The following CARF variants were observed in gnomAD, a reference collection of about 807,000 sequenced individuals.
CARF encodes calcium-responsive transcription factor.
In CARF, 57 loss-of-function variants were observed where a neutral mutation model predicts 82.0. The ratio of observed to expected loss-of-function variants is 0.70; its 90% CI spans 0.56 to 0.87. The LOEUF (loss-of-function observed/expected upper bound fraction) is 0.87, where lower values mean the gene tolerates loss of function less well. CARF is among the 40% of genes least tolerant of loss of function. The probability of loss-of-function intolerance (pLI) is 0.00; values close to 1 mark genes in which losing one functional copy is unlikely to be tolerated. For missense variants in CARF, 771 were observed against 855.8 expected (o/e 0.90, Z 1.24); for synonymous variants, 268 against 290.1 (o/e 0.92, Z 0.77).
At chr2:202,937,781 C>A (rs191450675) in intron 3 of CARF, among the ~76,000 whole-genome samples, 4 of 152,082 alleles carry the variant, frequency 2.6e-5, no homozygotes, top group Non-Finnish European at 4.4e-5. Flanking sequence ...TGCGCCACCA[C>A]GCCTGGCTAG....
At chr2:202,980,626 A>ATATATATATG (rs2060215793) in intron 14 of CARF, among the ~76,000 whole-genome samples, 1 of 47,640 alleles carries the variant, frequency 2.1e-5, no homozygotes, top group Non-Finnish European at 5.2e-5. Flanking sequence ...GTATATATAT[A>ATATATATATG]TATATATATA....
chr2:202,976,020 G>A (rs925854786), intron 13 of CARF, among the ~76,000 whole-genome samples: 3 of 152,008 alleles, frequency 2.0e-5, no homozygotes, highest in Non-Finnish European at 2.9e-5. Flanking sequence ...ACTCCAGCCT[G>A]GGTGACAGCA....
intron 14 of CARF, among the ~76,000 whole-genome samples, chr2:202,978,970 G>A (rs1167553065): frequency 6.6e-6 from 1 of 152,016 alleles, no homozygotes; most frequent in East Asian, 1.9e-4. Flanking sequence ...AGAATAAGAG[G>A]TTGTAGCTGG....
intron 8 of CARF, among the ~76,000 whole-genome samples, chr2:202,959,831 A>G (rs1174066849): frequency 6.6e-6 from 1 of 151,122 alleles, no homozygotes; most frequent in Non-Finnish European, 1.5e-5. Flanking sequence ...AAAAAAAAAG[A>G]AAAGAAAAAG....
intron 3 of CARF, among the ~76,000 whole-genome samples, chr2:202,932,188 A>G (rs1481066892): frequency 6.6e-6 from 1 of 152,140 alleles, no homozygotes; most frequent in Non-Finnish European, 1.5e-5. Flanking sequence ...AACCCCCACC[A>G]TGATCCAATC....
At chr2:202,972,553 TGTAGTCCCA>T (rs2059834125) in intron 12 of CARF, among the ~76,000 whole-genome samples, 2 of 151,812 alleles carry the variant, frequency 1.3e-5, no homozygotes, top group Admixed American at 6.6e-5. Context: ...GGCACGCACC[TGTAGTCCCA>T]GCTTCTCGGG....
intron 14 of CARF, among the ~76,000 whole-genome samples, chr2:202,980,661 T>TATATATATATATATAC (rs1309966072): frequency 5.6e-5 from 7 of 125,424 alleles, no homozygotes; most frequent in African/African-American, 2.2e-4. Context: ...TATATATATA[T>TATATATATATATATAC]AGTTGTGCCT....
At chr2:202,981,913 A>G (rs916268432) in intron 15 of CARF, among the ~76,000 whole-genome samples, 159 bp from the exon 16 acceptor site, 4 of 152,242 alleles carry the variant, frequency 2.6e-5, no homozygotes, top group African/African-American at 9.6e-5. Context: ...TAGTTGTACT[A>G]CTTTTCCCTT....
At chr2:202,949,515 A>ATTT (rs71408905) in intron 5 of CARF, among the ~76,000 whole-genome samples, 20,097 of 111,904 alleles carry the variant, frequency 0.18, 1,742 homozygotes, top group South Asian at 0.31. Context: ...TTTGTTATTT[A>ATTT]TTTATTATTA....
chr2:202,984,071 T>G lies in CARF; in HGVS notation c.*447T>G, dbSNP rs962173677. 6.5e-6 allele frequency: 1 copy of G among 152,754 alleles called. No individual in the cohort carries two copies. The highest frequency in any genetic ancestry group is 1.5e-5 in the Non-Finnish European group (1 of 68,432). 9.5% of individuals were successfully genotyped at this position (152,754 alleles called of 1,614,324 possible). On this transcript the variant is annotated 3_prime_UTR_variant, in exon 17 of 17. Coordinates refer to ENST00000438828, the MANE Select transcript of CARF (RefSeq NM_024744.17). ...TTCTGAAAAAGAACTTGTTCTCTCC[T>G]TAAAGTTGTGAAGAAATTGTTAATT...
chr2:202,958,018 A>T (rs1248406926), intron 8 of CARF, among the ~76,000 whole-genome samples: 5 of 152,132 alleles, frequency 3.3e-5, no homozygotes, highest in Non-Finnish European at 2.9e-5. Flanking sequence ...AGACTTTTTG[A>T]GGAAAGGGAC....
intron 2 of CARF, among the ~76,000 whole-genome samples, chr2:202,923,522 T>G (rs1370932703): frequency 6.6e-6 from 1 of 152,126 alleles, no homozygotes; most frequent in Non-Finnish European, 1.5e-5. Context: ...ATGGGTAGAA[T>G]CAGTACTGTG....
chr2:202,969,291 C>T (rs2059679657), intron 10 of CARF, among the ~76,000 whole-genome samples: 1 of 151,754 alleles, frequency 6.6e-6, no homozygotes, highest in South Asian at 2.1e-4. Context: ...TAAAGTAATC[C>T]AGGGCCAGGC....
intron 3 of CARF, chr2:202,925,041 C>T: frequency 2.5e-6 from 1 of 406,656 alleles, no homozygotes; most frequent in South Asian, 2.1e-5. Flanking sequence ...TAGCTTGGAG[C>T]AACATGGACA....
At chr2:202,982,922 G>T (rs1051254415) in intron 16 of CARF, among the ~76,000 whole-genome samples, 5 of 152,168 alleles carry the variant, frequency 3.3e-5, no homozygotes, top group African/African-American at 1.2e-4. Flanking sequence ...GTCTCATTCT[G>T]TCACCCAGGC....
intron 3 of CARF, among the ~76,000 whole-genome samples, chr2:202,930,952 T>A (rs1054040702): frequency 6.6e-6 from 1 of 151,360 alleles, no homozygotes; most frequent in African/African-American, 2.4e-5. Flanking sequence ...CTCTTCCTTA[T>A]GACTTTTTTT....
At position 202,928,802 on chromosome 2, in the gene CARF, T is replaced by C. The variant is rs568471573; in HGVS notation, c.-44+4387T>C. Among the ~76,000 whole-genome samples the C allele has an allele frequency of 1.1e-3, 172 of 152,234 alleles. 1 individual carries two copies. The highest frequency in any genetic ancestry group is 3.7e-3 in the Admixed American group (56 of 15,290). On this transcript the variant is annotated intron_variant, in intron 3 of 16. Coordinates refer to ENST00000438828, the MANE Select transcript of CARF (RefSeq NM_024744.17). Reference sequence around the variant, plus strand: ...TCTCATTCTATCGTCCAGGCTGGAGTGCAGTGGCTCAATCTCGGCTCACTG... The same window carrying C: ...TCTCATTCTATCGTCCAGGCTGGAGCGCAGTGGCTCAATCTCGGCTCACTG...
chr2:202,932,887 G>A (rs1693202679), intron 3 of CARF, among the ~76,000 whole-genome samples: 1 of 152,118 alleles, frequency 6.6e-6, no homozygotes, highest in Admixed American at 6.5e-5. Context: ...CTAGGACACA[G>A]GATACTGTCA....
intron 8 of CARF, among the ~76,000 whole-genome samples, chr2:202,959,622 C>T (rs1338772996): frequency 1.3e-5 from 2 of 152,070 alleles, no homozygotes; most frequent in African/African-American, 4.8e-5. Flanking sequence ...AGTTTGAGAC[C>T]AGCCTGGTCA....
Sources: allele counts gnomAD v4.1 joint callset (sites outside exome capture counted in the v4.1 genomes callset), GRCh38; gene constraint gnomAD v4.1.1; transcripts MANE v1.5; gene names NCBI Gene and HGNC (gene_info 2026-07-23, HGNC 2026-07-21).